Variants in MPP7 observed in about 807,000 individuals in gnomAD.
MPP7 encodes MAGUK p55 scaffold protein 7.
MPP7 carries 60 observed loss-of-function variants against 76.5 expected under a neutral mutation model. The observed-to-expected ratio is 0.78, with a 90% CI of 0.64 to 0.97. The LOEUF (loss-of-function observed/expected upper bound fraction) is 0.97, where lower values mean the gene tolerates loss of function less well. MPP7 is among the 50% of genes least tolerant of loss of function. The probability of loss-of-function intolerance (pLI) is 0.00; values close to 1 mark genes in which losing one functional copy is unlikely to be tolerated. For missense variants in MPP7, 641 were observed against 694.0 expected (o/e 0.92, Z 0.86); for synonymous variants, 237 against 244.5 (o/e 0.97, Z 0.29).
At chr10:28,267,985 G>A (rs1045274398) in intron 1 of MPP7, among the ~76,000 whole-genome samples, 5 of 152,090 alleles carry the variant, frequency 3.3e-5, no homozygotes, top group African/African-American at 7.2e-5. Context: ...GCAGTGAGCA[G>A]TGAAGTACCA....
chr10:28,059,661 T>A lies in MPP7; in HGVS notation c.1287A>T (p.Val429=), dbSNP rs1330303586. The change falls in exon 14 of 17, where the codon GTA becomes GTT. Residue 429 remains valine, a synonymous_variant. Coordinates refer to ENST00000683449, the MANE Select transcript of MPP7 (RefSeq NM_001318170.2). ...AAATGTCCACATACTTGTTATTTTG[T>A]ACATCTGTCTCAAACAAATGCTTGG... ...FISKHLFETD[V]QNNKFIEYGE... is the part of the protein sequence containing the mutation. The A allele has an allele frequency of 6.2e-7, 1 of 1,611,206 alleles. No individual in the cohort carries two copies. The highest frequency in any genetic ancestry group is 1.1e-5 in the South Asian group (1 of 90,930).
intron 1 of MPP7, among the ~76,000 whole-genome samples, chr10:28,245,303 T>G (rs1227260984): frequency 6.6e-6 from 1 of 152,186 alleles, no homozygotes; most frequent in Non-Finnish European, 1.5e-5. Context: ...AGTCCTTTTT[T>G]GTAATTAACG....
chr10:28,206,049 C>G lies in MPP7; in HGVS notation c.38-3778G>C, dbSNP rs569840192. On this transcript the variant is annotated intron_variant, in intron 2 of 16. Transcript: ENST00000683449. ...ATTCTGGTTCCTCGATCTTGGACTT[C>G]CCAGCCTCCAGAACTGTGAGCCAAT... 3.3e-4 allele frequency among the ~76,000 whole-genome samples: 51 copies of G among 152,264 alleles called. 1 individual carries two copies. In the South Asian group the frequency reaches 5.6e-3, roughly 17 times the overall value.
intron 4 of MPP7, among the ~76,000 whole-genome samples, chr10:28,148,377 A>G (rs890793612): frequency 2.0e-5 from 3 of 152,212 alleles, no homozygotes; most frequent in African/African-American, 7.2e-5. Flanking sequence ...TCAAACAGGA[A>G]AAAAGATTAG....
chr10:28,099,553 C>T (rs1336888068), intron 11 of MPP7, among the ~76,000 whole-genome samples: 1 of 152,078 alleles, frequency 6.6e-6, no homozygotes, highest in Non-Finnish European at 1.5e-5. Context: ...GCCTGTAATC[C>T]CAACCCTCTG....
At chr10:28,184,282 T>C (rs887774847) in intron 3 of MPP7, among the ~76,000 whole-genome samples, 27 of 148,296 alleles carry the variant, frequency 1.8e-4, no homozygotes, top group Non-Finnish European at 3.3e-4. Context: ...TGTTAAGATA[T>C]ATATCTTACA....
At chr10:28,097,683 A>T (rs1853633150) in intron 11 of MPP7, among the ~76,000 whole-genome samples, 1 of 152,236 alleles carries the variant, frequency 6.6e-6, no homozygotes, top group African/African-American at 2.4e-5. Flanking sequence ...AAATTAACAA[A>T]GGACCAACGG....
chr10:28,185,447 C>T (rs1837204574), intron 3 of MPP7, among the ~76,000 whole-genome samples: 1 of 151,846 alleles, frequency 6.6e-6, no homozygotes, highest in East Asian at 1.9e-4. Flanking sequence ...ATAACTGAGA[C>T]AACACAAAAG....
intron 12 of MPP7, among the ~76,000 whole-genome samples, chr10:28,082,379 TCTTC>T (rs1010543978): frequency 1.2e-4 from 19 of 152,082 alleles, no homozygotes; most frequent in African/African-American, 4.1e-4. Flanking sequence ...CTCCTCCTCC[TCTTC>T]CTTCTTCTTC....
intron 3 of MPP7, among the ~76,000 whole-genome samples, chr10:28,166,116 T>C (rs1356571828): frequency 6.6e-6 from 1 of 152,008 alleles, no homozygotes; most frequent in Non-Finnish European, 1.5e-5. Context: ...TAAATCCTGA[T>C]GTACCTTAAC....
intron 2 of MPP7, among the ~76,000 whole-genome samples, chr10:28,319,239 T>C (rs1834344950): frequency 6.6e-6 from 1 of 152,164 alleles, no homozygotes; most frequent in Non-Finnish European, 1.5e-5. Context: ...ACTCACTCAC[T>C]GTCATGAGAA....
At chr10:28,290,263 C>T (rs932534613) in intron 1 of MPP7, among the ~76,000 whole-genome samples, 1 of 149,976 alleles carries the variant, frequency 6.7e-6, no homozygotes, top group Non-Finnish European at 1.5e-5. Context: ...GCCCCACTCA[C>T]GAATTACAGT....
At chr10:28,276,309 G>A (rs1231307975) in intron 1 of MPP7, among the ~76,000 whole-genome samples, 3 of 152,076 alleles carry the variant, frequency 2.0e-5, no homozygotes, top group African/African-American at 7.3e-5. Context: ...GGGATTACAG[G>A]CATGAGCCAC....
chr10:28,217,946 C>T (rs1396331800), intron 2 of MPP7, among the ~76,000 whole-genome samples: 2 of 152,152 alleles, frequency 1.3e-5, no homozygotes, highest in Non-Finnish European at 2.9e-5. Context: ...TGGTTCAGAA[C>T]GCCTAAAGAG....
chr10:28,287,395 G>A (rs769610619), intron 1 of MPP7, among the ~76,000 whole-genome samples: 2 of 152,176 alleles, frequency 1.3e-5, no homozygotes, highest in South Asian at 2.1e-4. Flanking sequence ...TGATGGACAC[G>A]TTTATCACCT....
At chr10:28,271,497 G>A (rs1329934149) in intron 1 of MPP7, among the ~76,000 whole-genome samples, 1 of 152,168 alleles carries the variant, frequency 6.6e-6, no homozygotes, top group Non-Finnish European at 1.5e-5. Context: ...TCTAATGTAT[G>A]AACTGCAGAT....
chr10:28,212,056 T>C (rs73608070), intron 2 of MPP7, among the ~76,000 whole-genome samples: 1 of 151,962 alleles, frequency 6.6e-6, no homozygotes, highest in South Asian at 2.1e-4. Flanking sequence ...TAGGCTGTAG[T>C]GAGCCATGAT....
At chr10:28,227,625 G>T (rs911682729) in intron 2 of MPP7, among the ~76,000 whole-genome samples, 2 of 152,152 alleles carry the variant, frequency 1.3e-5, no homozygotes, top group African/African-American at 4.8e-5. Context: ...CTCCAACCAT[G>T]TCCCTGCAAA....
At chr10:28,249,066 A>C (rs1564732065) in intron 1 of MPP7, among the ~76,000 whole-genome samples, 1 of 152,156 alleles carries the variant, frequency 6.6e-6, no homozygotes, top group East Asian at 1.9e-4. Flanking sequence ...CCAAACATTA[A>C]TTGAATAATG....
Sources: gnomAD v4.1 joint callset for allele counts (sites outside exome capture counted in the v4.1 genomes callset) on GRCh38, gnomAD v4.1.1 for gene constraint, MANE v1.5 for transcripts, NCBI Gene and HGNC (gene_info 2026-07-23, HGNC 2026-07-21) for gene names.